The following COX7A2L variants were observed in gnomAD, a reference collection of about 807,000 sequenced individuals.
COX7A2L encodes cytochrome c oxidase subunit 7A2 like.
A neutral mutation model predicts 14.2 loss-of-function variants in COX7A2L; 18 were observed. The observed-to-expected ratio is 1.27, with a 90% confidence interval of 0.88 to 1.88. The LOEUF is 1.88. COX7A2L is among the 40% of genes most tolerant of loss of function. The pLI, the probability that COX7A2L is intolerant of heterozygous loss-of-function variation, is 0.00. For missense variants in COX7A2L, 179 were observed against 138.8 expected (o/e 1.29, Z -1.46); for synonymous variants, 65 against 57.4 (o/e 1.13, Z -0.60).
chr2:42,337,897 C>T (rs956369599), intron 2 of COX7A2L, among the ~76,000 whole-genome samples: 11 of 152,168 alleles, frequency 7.2e-5, no homozygotes, highest in African/African-American at 2.2e-4. Flanking sequence ...GGAGGCAGTG[C>T]GGACCGTGGG....
intron 1 of COX7A2L, 35 bp from the exon 2 acceptor site, chr2:42,353,378 G>A (rs1052513034): frequency 6.2e-7 from 1 of 1,611,390 alleles, no homozygotes; most frequent in Non-Finnish European, 8.5e-7. Flanking sequence ...CAAGTTGAAA[G>A]TATGTCTGAG....
intron 1 of COX7A2L, among the ~76,000 whole-genome samples, chr2:42,358,204 C>A (rs1670891872): frequency 6.6e-6 from 1 of 152,156 alleles, no homozygotes; most frequent in Non-Finnish European, 1.5e-5. Flanking sequence ...CTAAATGGTA[C>A]CTCATTGTGG....
upstream of COX7A2L, chr2:42,361,342 G>A (rs1671044763): frequency 3.4e-6 from 2 of 580,698 alleles, no homozygotes; most frequent in Non-Finnish European, 3.0e-6. Flanking sequence ...CCAAAAGCCA[G>A]GGTTCTCAGG....
intron 1 of COX7A2L, among the ~76,000 whole-genome samples, chr2:42,357,422 C>A: frequency 6.6e-6 from 1 of 152,194 alleles, no homozygotes; most frequent in African/African-American, 2.4e-5. Context: ...GATCCTTCCG[C>A]GTCAGCCTCC....
In COX7A2L at chr2:42,351,055, C is replaced by T; in HGVS notation, c.*164G>A. On this transcript the variant is annotated 3_prime_UTR_variant, in exon 3 of 3. Coordinates refer to ENST00000234301, the MANE Select transcript of COX7A2L (RefSeq NM_004718.4). ...AACTGTCGAATGAGCTCTGACAAGC[C>T]ATATGCATTTCATAAACAAACCAAA... is the stretch of plus-strand genomic sequence containing the variant. 1.4e-6 allele frequency: 1 copy of T among 701,314 alleles called. No homozygotes were observed. Among genetic ancestry groups the T allele is most frequent in the Non-Finnish European group, 2.3e-6 (1 of 436,884 alleles). The allele number at this position is 701,314 out of a possible 1,614,324, so 43.4% of individuals were successfully genotyped here. A position where few individuals can be genotyped will look rare whatever the true frequency, so the allele number is the denominator to read the frequency against.
At chr2:42,368,427 A>C (rs1008962310) in intron 1 of COX7A2L, among the ~76,000 whole-genome samples, 11 of 152,242 alleles carry the variant, frequency 7.2e-5, no homozygotes, top group Admixed American at 6.5e-4. Flanking sequence ...CACAGGTAAC[A>C]GTTGAATATC....
At chr2:42,336,185 G>A (rs1306854619) in intron 2 of COX7A2L, among the ~76,000 whole-genome samples, 5 of 152,192 alleles carry the variant, frequency 3.3e-5, no homozygotes, top group African/African-American at 1.2e-4. Context: ...CCTGTGGCCA[G>A]TGTTGGGAGG....
upstream of COX7A2L, among the ~76,000 whole-genome samples, chr2:42,363,718 C>T (rs889792883): frequency 9.2e-5 from 14 of 152,230 alleles, no homozygotes; most frequent in African/African-American, 3.4e-4. Context: ...TTCGTATTTG[C>T]ATATCCCATC....
upstream of COX7A2L, among the ~76,000 whole-genome samples, chr2:42,362,980 T>C (rs541739931): frequency 1.4e-4 from 21 of 151,760 alleles, no homozygotes; most frequent in East Asian, 2.1e-3. Context: ...GCTGAGGTGA[T>C]TCTCCTACCT....
downstream of COX7A2L, among the ~76,000 whole-genome samples, chr2:42,348,723 C>T (rs1381149120): frequency 4.6e-5 from 7 of 152,144 alleles, no homozygotes; most frequent in Admixed American, 4.6e-4. Flanking sequence ...TCGAGACCAT[C>T]TTGGCCTACA....
At chr2:42,349,096 GA>G (rs1670560195), downstream of COX7A2L, among the ~76,000 whole-genome samples, 1 of 152,056 alleles carries the variant, frequency 6.6e-6, no homozygotes, top group Non-Finnish European at 1.5e-5. Flanking sequence ...TATGACCCAG[GA>G]ATTCCACTCC....
intron 2 of COX7A2L, chr2:42,352,991 C>G (rs1670694083): frequency 1.7e-6 from 1 of 588,892 alleles, no homozygotes; most frequent in South Asian, 2.4e-5. Context: ...ACCCTCACAC[C>G]CTTAAATACT....
chr2:42,365,793 C>T (rs1055096579), upstream of COX7A2L: 1 of 152,114 alleles, frequency 6.6e-6, no homozygotes, highest in African/African-American at 2.4e-5. Context: ...TGACAGTGTC[C>T]AAGTGTTAGG....
intron 1 of COX7A2L, among the ~76,000 whole-genome samples, chr2:42,367,891 C>T (rs1056825000): frequency 6.6e-6 from 1 of 152,234 alleles, no homozygotes; most frequent in Non-Finnish European, 1.5e-5. Flanking sequence ...GCTACCGTGT[C>T]CTCTTCCCTG....
chr2:42,361,741 T>C (rs1671061772), upstream of COX7A2L: 1 of 152,512 alleles, frequency 6.6e-6, no homozygotes, highest in African/African-American at 2.4e-5. Context: ...GATCGTAGTC[T>C]CATTTATTTC....
chr2:42,338,957 A>G lies in COX7A2L; in HGVS notation c.193-5088T>C, dbSNP rs1306568853. ...AGAACGAGAGATTAGCTGTCCCTGC[A>G]TCAGAGCGCCAGGAAGGCTGTCCCC... On this transcript the variant is annotated intron_variant, in intron 2 of 2. Transcript: ENST00000468711. The surrounding 1 kb of genome is among the most constrained non-coding windows in gnomAD (Gnocchi z 4.4). Among the ~76,000 whole-genome samples, 1 of 152,190 alleles carries G rather than the reference A, an allele frequency of 6.6e-6. No individual in the cohort carries two copies. Among genetic ancestry groups the G allele is most frequent in the Non-Finnish European group, 1.5e-5 (1 of 68,022 alleles).
intron 2 of COX7A2L, 193 bp downstream of exon 2, chr2:42,353,019 C>A (rs1380420801): frequency 9.2e-6 from 6 of 655,294 alleles, no homozygotes; most frequent in Admixed American, 3.4e-5. Flanking sequence ...AAATTAACCA[C>A]CCTCCCCTCT....
At chr2:42,356,595 C>T (rs1290071650) in intron 1 of COX7A2L, among the ~76,000 whole-genome samples, 1 of 152,206 alleles carries the variant, frequency 6.6e-6, no homozygotes, top group Admixed American at 6.5e-5. Flanking sequence ...ATCCACAATT[C>T]CCATAGCAAT....
In COX7A2L at chr2:42,361,114, C is replaced by T; in HGVS notation, c.48G>A (p.Trp16Ter). Reference sequence around the variant, plus strand: ...CCTGCGGGCTATAGGCCTCCGAAGCCCATGCTCCTGCCAACTTCTGCGTGA... The same window carrying T: ...CCTGCGGGCTATAGGCCTCCGAAGCTCATGCTCCTGCCAACTTCTGCGTGA... ...SGFTQKLAGA[W>*]ASEAYSPQGL... Residue 16 changes from tryptophan (W) to a stop codon, truncating the protein, a stop_gained, in exon 1 of 3, where the codon TGG becomes TGA. Coordinates refer to ENST00000234301, the MANE Select transcript of COX7A2L (RefSeq NM_004718.4). LOFTEE classifies it high-confidence loss of function. 1 of 1,613,850 alleles carries T rather than the reference C, an allele frequency of 6.2e-7. No individual in the cohort carries two copies.
Sources: allele counts gnomAD v4.1 joint callset (sites outside exome capture counted in the v4.1 genomes callset), GRCh38; gene constraint gnomAD v4.1.1; non-coding constraint Gnocchi (gnomAD v3.1); transcripts MANE v1.5; gene names NCBI Gene and HGNC (gene_info 2026-07-23, HGNC 2026-07-21).